Variants in VARS2 observed in about 807,000 individuals in gnomAD.
VARS2 encodes the protein valine--tRNA ligase, mitochondrial.
In VARS2, 105 loss-of-function variants were observed where a neutral mutation model predicts 154.1. The ratio of observed to expected loss-of-function variants is 0.68; its 90% CI spans 0.58 to 0.80. The LOEUF (loss-of-function observed/expected upper bound fraction) is 0.80. Among genes scored for constraint, VARS2 ranks in the 30% least tolerant of loss-of-function variants. The pLI, the probability that VARS2 is intolerant of heterozygous loss-of-function variation, is 0.00. For missense variants in VARS2, 1,157 were observed against 1,361.4 expected, an observed-to-expected ratio of 0.85 and a Z score of 2.36; for synonymous variants, 483 against 539.5, an observed-to-expected ratio of 0.90 and a Z score of 1.45.
Position 30,916,328 on chromosome 6 carries a change from T to C in VARS2, c.671+79T>C. ...CCTCCCACCACTATCACTCCTGACTTGTAATCCTTGGCTCTTCCCGACACA... is the reference window on the plus strand; with the variant it reads ...CCTCCCACCACTATCACTCCTGACTCGTAATCCTTGGCTCTTCCCGACACA... On this transcript the variant is annotated intron_variant, in intron 7 of 29. Coordinates refer to ENST00000676266, the MANE Select transcript of VARS2 (RefSeq NM_020442.6). The surrounding 1 kb of genome is among the most constrained non-coding windows in gnomAD (Gnocchi z 4.0). 8.2e-7 allele frequency: 1 copy of C among 1,226,104 alleles called. No homozygotes were observed. The highest frequency in any genetic ancestry group is 1.1e-6 in the Non-Finnish European group (1 of 883,110). The allele number at this position is 1,226,104 out of a possible 1,614,324, so 76.0% of individuals were successfully genotyped here.
rs1321237988 is a variant in VARS2 at position 30,920,073 on chromosome 6, G to A, written c.1166-16G>A. 1 of 1,526,470 alleles carries A rather than the reference G, an allele frequency of 6.6e-7. No individual in the cohort carries two copies. The highest frequency in any genetic ancestry group is 8.8e-7 in the Non-Finnish European group (1 of 1,138,082). 94.6% of individuals were successfully genotyped at this position (1,526,470 alleles called of 1,614,324 possible). A position where few individuals can be genotyped will look rare whatever the true frequency, so the allele number is the denominator to read the frequency against. ...CAAGGTCAGGTTCAGTACTCACCAT[G>A]GCTGTGCTCCCCAAGGGGCAGTGAA... On this transcript the variant is annotated splice_polypyrimidine_tract_variant and intron_variant, in intron 12 of 29. Coordinates refer to ENST00000676266, the MANE Select transcript of VARS2 (RefSeq NM_020442.6). The surrounding 1 kb of genome is among the most constrained non-coding windows in gnomAD (Gnocchi z 4.6).
At chr6:30,925,005 G>C (rs1794749463) in intron 26 of VARS2, among the ~76,000 whole-genome samples, 1 of 152,176 alleles carries the variant, frequency 6.6e-6, no homozygotes, top group Non-Finnish European at 1.5e-5. Flanking sequence ...TTTGAGTTTT[G>C]ACTAATTCAT....
intron 23 of VARS2, 57 bp from the exon 24 acceptor site, chr6:30,923,043 GGGCA>G: frequency 6.2e-7 from 1 of 1,607,990 alleles, no homozygotes; most frequent in Non-Finnish European, 8.5e-7. Context: ...GGCAGGGCAG[GGGCA>G]GGACTTCTGG....
At position 30,920,460 on chromosome 6, in the gene VARS2, C is replaced by T; in HGVS notation, c.1397+24C>T. 1 of 1,583,280 alleles carries T rather than the reference C, an allele frequency of 6.3e-7. No homozygotes were observed. Among genetic ancestry groups the T allele is most frequent in the Non-Finnish European group, 8.6e-7 (1 of 1,166,084 alleles). On this transcript the variant is annotated intron_variant, in intron 14 of 29. Transcript: ENST00000676266. This position sits in a 1 kb window ranked among gnomAD's most constrained non-coding sequence, Gnocchi z 4.6. ...AGGTAACCTCATTTTAACTCCTTTA[C>T]TAAGGGCTACCCCAAAAGGGAATGT... is the stretch of plus-strand genomic sequence containing the variant.
rs1794362307 is a variant in VARS2 at position 30,919,328 on chromosome 6, AT to A, written c.1074+421del. The A allele has an allele frequency of 3.4e-5, 6 of 178,594 alleles. No individual in the cohort carries two copies. The highest frequency in any genetic ancestry group is 1.4e-4 in the East Asian group (1 of 7,100). The allele number at this position is 178,594 out of a possible 1,614,324, so 11.1% of individuals were successfully genotyped here. On this transcript the variant is annotated intron_variant, in intron 11 of 29. Coordinates refer to ENST00000676266, the MANE Select transcript of VARS2 (RefSeq NM_020442.6). This position sits in a 1 kb window ranked among gnomAD's most constrained non-coding sequence, Gnocchi z 4.5. ...GTATTTTTACAAAAATTAGTAATTA[AT>A]TTTTTTTAAGTAATGTAATTTTTAA...
At chr6:30,914,725 T>C (rs1794034626) in intron 1 of VARS2, 85 bp from the exon 2 acceptor site, 5 of 1,319,704 alleles carry the variant, frequency 3.8e-6, no homozygotes, top group Non-Finnish European at 1.0e-6. Context: ...AGACCTGTGC[T>C]AATTAGAGAC....
At chr6:30,923,306 G>A (rs1454238485) in intron 24 of VARS2, 47 bp from the exon 25 acceptor site, 3 of 1,606,360 alleles carry the variant, frequency 1.9e-6, no homozygotes, top group Non-Finnish European at 1.7e-6. Flanking sequence ...GGAAGGAAAG[G>A]AGGCAGGGGA....
In VARS2 at chr6:30,916,199, TGAGCTGAGCCGG is replaced by T; in HGVS notation, c.625_636del (p.Leu209_Glu212del). On this transcript the variant is annotated inframe_deletion, in exon 7 of 30. Coordinates refer to ENST00000676266, the MANE Select transcript of VARS2 (RefSeq NM_020442.6). This position sits in a 1 kb window ranked among gnomAD's most constrained non-coding sequence, Gnocchi z 4.0. ...GGAAGGAACGGGGAGTGAGGAGACA[TGAGCTGAGCCGG>T]GAGGCCTTCCTTAGGGAGGTGTGGC... The T allele has an allele frequency of 6.2e-7, 1 of 1,613,820 alleles. No homozygotes were observed. The highest frequency in any genetic ancestry group is 1.1e-5 in the South Asian group (1 of 91,064).
rs1368013802 is a variant in VARS2 at position 30,922,878 on chromosome 6, T to C, written c.2107-20T>C. The C allele has an allele frequency of 6.4e-7, 1 of 1,570,814 alleles. No individual in the cohort carries two copies. The highest frequency in any genetic ancestry group is 8.7e-7 in the Non-Finnish European group (1 of 1,149,638). ...CAGCCACAAAGGCATCTGCCACCCT[T>C]CTTCTTCCTCTGGTTGCAGAAAAAG... On this transcript the variant is annotated intron_variant, in intron 22 of 29. Transcript: ENST00000676266.
chr6:30,914,308 G>A lies in VARS2; in HGVS notation c.-64G>A. ...TTTGGTGGATTCCTCAGTCCCTGCC[G>A]CCGCGGGGCGCCCTGGGATAGCGGC... On this transcript the variant is annotated 5_prime_UTR_variant, in exon 1 of 30. Transcript: ENST00000676266. 8.8e-7 allele frequency: 1 copy of A among 1,136,328 alleles called. No individual in the cohort carries two copies. The highest frequency in any genetic ancestry group is 1.1e-6 in the Non-Finnish European group (1 of 897,378). 70.4% of individuals were successfully genotyped at this position (1,136,328 alleles called of 1,614,324 possible).
chr6:30,922,102 C>T lies in VARS2; in HGVS notation c.1807-14C>T, dbSNP rs762198998. On this transcript the variant is annotated splice_polypyrimidine_tract_variant and intron_variant, in intron 19 of 29. Transcript: ENST00000676266. The stretch of plus-strand genomic sequence containing the variant: ...CCTGGGGCCTGGGCCTCTTACTGCT[C>T]CTCTTCCCCCTAGACCCCAGACCTT... 4.3e-6 allele frequency: 7 copies of T among 1,612,308 alleles called. No homozygotes were observed. Among genetic ancestry groups the T allele is most frequent in the Middle Eastern group, 1.7e-4 (1 of 6,060 alleles).
At position 30,916,239 on chromosome 6, in the gene VARS2, T is replaced by C. The variant is rs1794163934; in HGVS notation, c.661T>C (p.Trp221Arg). 6.2e-7 allele frequency: 1 copy of C among 1,612,312 alleles called. No homozygotes were observed. Among genetic ancestry groups the C allele is most frequent in the Non-Finnish European group, 8.5e-7 (1 of 1,179,104 alleles). The change falls in exon 7 of 30, where the codon TGG (tryptophan) becomes CGG (arginine). Residue 221 changes from tryptophan (W) to arginine (R), a missense_variant. Transcript: ENST00000676266. This position sits in a 1 kb window ranked among gnomAD's most constrained non-coding sequence, Gnocchi z 4.0. ...REAFLREVWQ[W>R]KEAKGGEICE... ...GGCCTTCCTTAGGGAGGTGTGGCAG[T>C]GGAAGGAGGCGTGAGTATGATGGGC... is the stretch of plus-strand genomic sequence containing the variant.
rs1406239745 is a variant in VARS2, at chr6:30,924,345, C to T, written c.2467-9C>T. 6.2e-7 allele frequency: 1 copy of T among 1,611,302 alleles called. No homozygotes were observed. The highest frequency in any genetic ancestry group is 8.5e-7 in the Non-Finnish European group (1 of 1,179,910). On this transcript the variant is annotated splice_polypyrimidine_tract_variant and intron_variant, in intron 25 of 29. Transcript: ENST00000676266. ...GGACCTGTCCTCTGACCATTGGCTT[C>T]CTCTCCAGGAGGCTGTGAAGCCCGT... is the stretch of plus-strand genomic sequence containing the variant.
At position 30,926,124 on chromosome 6, in the gene VARS2, C is replaced by T; in HGVS notation, c.3106C>T (p.Leu1036=). 1 of 1,613,130 alleles carries T rather than the reference C, an allele frequency of 6.2e-7. No homozygotes were observed. Among genetic ancestry groups the T allele is most frequent in the Non-Finnish European group, 8.5e-7 (1 of 1,180,038 alleles). ...CCTCGTCCAGCTTTCTTCCCTCCAG[C>T]TGGAATTGTCAAAACTGGACAAGGC... is the stretch of plus-strand genomic sequence containing the variant. ...QRQQKLSSLQ[L]ELSKLDKAAS... The change falls in exon 30 of 30, where the codon CTG becomes TTG. Residue 1036 remains leucine (L), a synonymous_variant. Coordinates refer to ENST00000676266, the MANE Select transcript of VARS2 (RefSeq NM_020442.6).
At position 30,916,071 on chromosome 6, in the gene VARS2, T is replaced by C. The variant is rs1009003944; in HGVS notation, c.573+24T>C. The stretch of plus-strand genomic sequence containing the variant: ...AAGTATGTCTTTTGTTACCTGTTCC[T>C]TTTCTTGGGCAAAAGCAATTTCTTC... On this transcript the variant is annotated intron_variant, in intron 6 of 29. Coordinates refer to ENST00000676266, the MANE Select transcript of VARS2 (RefSeq NM_020442.6). The surrounding 1 kb of genome is among the most constrained non-coding windows in gnomAD (Gnocchi z 4.0). 1 of 1,611,496 alleles carries C rather than the reference T, an allele frequency of 6.2e-7. No homozygotes were observed. Among genetic ancestry groups the C allele is most frequent in the Non-Finnish European group, 8.5e-7 (1 of 1,179,400 alleles).
At position 30,917,757 on chromosome 6, in the gene VARS2, G is replaced by A. The variant is rs200908750; in HGVS notation, c.936G>A (p.Val312=). The A allele has an allele frequency of 1.5e-5, 23 of 1,566,390 alleles. No individual in the cohort carries two copies. The African/African-American group carries it at 2.6e-4, about 18-fold the overall frequency. Residue 312 remains valine (V), a synonymous_variant, in exon 10 of 30, where the codon GTG becomes GTA. Transcript: ENST00000676266. The surrounding 1 kb of genome is among the most constrained non-coding windows in gnomAD (Gnocchi z 4.4). ...GACTGCCTGGCTGCCCCACCCCCGT[G>A]TCTTTTGGCCTCCTATTTTCTGTTG... The part of the protein sequence containing the change: ...QLRLPGCPTP[V]SFGLLFSVAF...
At position 30,915,051 on chromosome 6, in the gene VARS2, C is replaced by T; in HGVS notation, c.201+14C>T. ...GGGGAGAGCAAGGTTAGGGGTCAGA[C>T]AGCTTGTCCTTGGGTTTCTGAGACT... On this transcript the variant is annotated intron_variant, in intron 2 of 29. Coordinates refer to ENST00000676266, the MANE Select transcript of VARS2 (RefSeq NM_020442.6). 1.2e-6 allele frequency: 2 copies of T among 1,612,930 alleles called. No individual in the cohort carries two copies. Among genetic ancestry groups the T allele is most frequent in the Non-Finnish European group, 1.7e-6 (2 of 1,179,514 alleles).
chr6:30,916,018 G>A lies in VARS2; in HGVS notation c.544G>A (p.Gly182Ser). ...MRGDQVLWVP[G>S]SDHAGIATQA... ...TGGGGATCAAGTGCTGTGGGTCCCT[G>A]GTTCAGATCATGCAGGAATTGCTAC... Residue 182 changes from glycine (G) to serine (S), a missense_variant, in exon 6 of 30, where the codon GGT becomes AGT. Gly to Ser is a moderately conservative substitution (Grantham distance 56). Coordinates refer to ENST00000676266, the MANE Select transcript of VARS2 (RefSeq NM_020442.6). This position sits in a 1 kb window ranked among gnomAD's most constrained non-coding sequence, Gnocchi z 4.0. 6.2e-7 allele frequency: 1 copy of A among 1,614,000 alleles called. No homozygotes were observed. The highest frequency in any genetic ancestry group is 8.5e-7 in the Non-Finnish European group (1 of 1,179,904).
At chr6:30,923,634 G>C in intron 25 of VARS2, 129 bp downstream of exon 25, 1 of 1,360,078 alleles carries the variant, frequency 7.4e-7, no homozygotes, top group Non-Finnish European at 9.9e-7. Flanking sequence ...GAGAGGAGAC[G>C]AGGGAGTCTC....
Sources: allele counts gnomAD v4.1 joint callset (sites outside exome capture counted in the v4.1 genomes callset), GRCh38; gene constraint gnomAD v4.1.1; non-coding constraint Gnocchi (gnomAD v3.1); transcripts MANE v1.5; gene names NCBI Gene and HGNC (gene_info 2026-07-23, HGNC 2026-07-21).